The following MCPH1 variants were observed in gnomAD, a reference collection of about 807,000 sequenced individuals.
The protein encoded by MCPH1 is microcephalin 1, also known as microcephalin.
Under a neutral mutation model 84.5 loss-of-function variants are expected in MCPH1, and 104 were observed. The ratio of observed to expected loss-of-function variants is 1.23; its 90% confidence interval spans 1.05 to 1.45. The LOEUF is 1.45. Among genes scored for constraint, MCPH1 ranks in the 40% most tolerant of loss-of-function variants. The pLI is 0.00. For synonymous variants in MCPH1, 514 were observed against 366.8 expected (o/e 1.40, Z -4.58); for missense variants, 1,498 against 1,005.7 (o/e 1.49, Z -6.62).
At chr8:6,620,549 C>A (rs1252466982) in intron 12 of MCPH1, among the ~76,000 whole-genome samples, 1 of 152,144 alleles carries the variant, frequency 6.6e-6, no homozygotes, top group Non-Finnish European at 1.5e-5. Flanking sequence ...TGAGAAGGTC[C>A]CTTCATCCCT....
At chr8:6,438,182 T>C (rs1036828418) in intron 5 of MCPH1, among the ~76,000 whole-genome samples, 2 of 152,226 alleles carry the variant, frequency 1.3e-5, no homozygotes, top group Non-Finnish European at 2.9e-5. Context: ...GAAAATACTT[T>C]GGCAACATGG....
In MCPH1 at chr8:6,621,665, A is replaced by C. The variant is rs750765497; in HGVS notation, c.2426A>C (p.Lys809Thr). 6.4e-5 allele frequency: 103 copies of C among 1,614,088 alleles called. 1 individual carries two copies. Among genetic ancestry groups the C allele is most frequent in the Non-Finnish European group, 8.2e-5 (97 of 1,180,036 alleles). The change falls in exon 13 of 14, where the codon AAG becomes ACG. Residue 809 changes from lysine (K) to threonine (T), a missense_variant. By Grantham distance (78) the Lys-to-Thr change is moderately conservative. Coordinates refer to ENST00000344683, the MANE Select transcript of MCPH1 (RefSeq NM_024596.5). ...PYSGKKKATV[K>T]YLSEKWVLDS... ...AGCGGAAAGAAGAAAGCCACAGTCA[A>C]GTATCTGTCTGAGAAATGGGTCTTA...
chr8:6,643,774 T>G lies in MCPH1; in HGVS notation c.*725T>G, dbSNP rs534847264. The G allele has an allele frequency of 6.5e-6, 1 of 152,736 alleles. No homozygotes were observed. The highest frequency in any genetic ancestry group is 1.5e-5 in the Non-Finnish European group (1 of 68,394). 9.5% of individuals were successfully genotyped at this position (152,736 alleles called of 1,614,324 possible). On this transcript the variant is annotated 3_prime_UTR_variant, in exon 14 of 14. Coordinates refer to ENST00000344683, the MANE Select transcript of MCPH1 (RefSeq NM_024596.5). ...TCTAGCGGAGATTCCTCTCTTAAAG[T>G]AATGAAAGGAGATAGGTATGGGGGG...
At chr8:6,411,415 G>C (rs893788919) in intron 2 of MCPH1, among the ~76,000 whole-genome samples, 2 of 152,162 alleles carry the variant, frequency 1.3e-5, no homozygotes, top group African/African-American at 4.8e-5. Flanking sequence ...GTTAAATTTG[G>C]CAGAACTAAT....
chr8:6,538,894 G>C (rs573020487), intron 12 of MCPH1, among the ~76,000 whole-genome samples: 2 of 152,294 alleles, frequency 1.3e-5, no homozygotes, highest in African/African-American at 4.8e-5. Context: ...TAAATCCAGG[G>C]ATATTCTATT....
At chr8:6,597,615 G>C (rs1019863259) in intron 12 of MCPH1, among the ~76,000 whole-genome samples, 5 of 152,152 alleles carry the variant, frequency 3.3e-5, no homozygotes, top group Non-Finnish European at 7.3e-5. Flanking sequence ...CTGTGGACAC[G>C]ACAACCCGGA....
At chr8:6,418,867 A>G (rs1454613589) in intron 3 of MCPH1, among the ~76,000 whole-genome samples, 2 of 152,032 alleles carry the variant, frequency 1.3e-5, no homozygotes, top group Non-Finnish European at 2.9e-5. Flanking sequence ...GGCGTGAGCC[A>G]CAGCGCCCGG....
In MCPH1 at chr8:6,491,149, C is replaced by G. The variant is rs142235973; in HGVS notation, c.2137-8703C>G. 2.3e-3 allele frequency among the ~76,000 whole-genome samples: 351 copies of G among 151,442 alleles called. 4 individuals carry two copies. The highest frequency in any genetic ancestry group is 8.2e-3 in the African/African-American group (338 of 41,446). ...AAGGTGGCCACATACCAAATAGTGT[C>G]ATACATTTCTTAAAATCTCTCCTAG... On this transcript the variant is annotated intron_variant, in intron 11 of 13. Coordinates refer to ENST00000344683, the MANE Select transcript of MCPH1 (RefSeq NM_024596.5).
At chr8:6,568,969 C>T (rs753722278) in intron 12 of MCPH1, among the ~76,000 whole-genome samples, 2 of 152,166 alleles carry the variant, frequency 1.3e-5, no homozygotes, top group African/African-American at 4.8e-5. Context: ...TTGATTTGAG[C>T]CATTTGCAGA....
At chr8:6,451,482 C>T (rs1805075567) in intron 8 of MCPH1, among the ~76,000 whole-genome samples, 1 of 152,150 alleles carries the variant, frequency 6.6e-6, no homozygotes, top group Non-Finnish European at 1.5e-5. Context: ...CAATTACTTT[C>T]AGTGGGAATT....
At chr8:6,564,283 C>CT (rs1825951587) in intron 12 of MCPH1, among the ~76,000 whole-genome samples, 1 of 152,138 alleles carries the variant, frequency 6.6e-6, no homozygotes, top group Non-Finnish European at 1.5e-5. Context: ...GGCCCACAAA[C>CT]TTCTTTATTG....
At chr8:6,556,584 C>T (rs1036253155) in intron 12 of MCPH1, among the ~76,000 whole-genome samples, 2 of 151,998 alleles carry the variant, frequency 1.3e-5, no homozygotes, top group African/African-American at 4.8e-5. Context: ...CATAGTGTCC[C>T]CCTGGGGCAA....
At chr8:6,599,088 G>A (rs79307686) in intron 12 of MCPH1, among the ~76,000 whole-genome samples, 6 of 152,290 alleles carry the variant, frequency 3.9e-5, no homozygotes, top group East Asian at 1.9e-4. Context: ...AATCCGAGGC[G>A]CGCCTGGGAA....
chr8:6,428,556 ACTTT>A (rs1430830266), intron 3 of MCPH1, among the ~76,000 whole-genome samples: 2 of 152,202 alleles, frequency 1.3e-5, no homozygotes, highest in African/African-American at 4.8e-5. Flanking sequence ...CTAGTAGTCT[ACTTT>A]CTTTCTCTGT....
chr8:6,489,559 C>A (rs1230839102), intron 11 of MCPH1, among the ~76,000 whole-genome samples: 1 of 152,180 alleles, frequency 6.6e-6, no homozygotes, highest in Non-Finnish European at 1.5e-5. Context: ...GTCAATGGTA[C>A]ATAAAGCAGT....
intron 3 of MCPH1, among the ~76,000 whole-genome samples, chr8:6,423,490 A>T (rs986921140): frequency 1.3e-5 from 2 of 152,110 alleles, no homozygotes. Context: ...ACTTTTTATT[A>T]CAGGTCATTT....
At chr8:6,519,088 G>A (rs980283501) in intron 12 of MCPH1, among the ~76,000 whole-genome samples, 4 of 152,164 alleles carry the variant, frequency 2.6e-5, no homozygotes, top group African/African-American at 7.2e-5. Flanking sequence ...ATGCCTTGAA[G>A]TGAACTCCGC....
chr8:6,604,010 T>TG (rs999464438), intron 12 of MCPH1, among the ~76,000 whole-genome samples: 5 of 151,906 alleles, frequency 3.3e-5, no homozygotes, highest in African/African-American at 9.7e-5. Context: ...GACTTTTTTT[T>TG]TTTTTAACCT....
rs1798274747 is a variant in MCPH1 at position 6,647,642 on chromosome 8, TGA to T, written c.*4594_*4595del. 1 of 146,314 alleles carries T rather than the reference TGA, an allele frequency of 6.8e-6. No individual in the cohort carries two copies. Among genetic ancestry groups the T allele is most frequent in the African/African-American group, 2.8e-5 (1 of 35,886 alleles). The allele number at this position is 146,314 out of a possible 1,614,324, so 9.1% of individuals were successfully genotyped here. On this transcript the variant is annotated 3_prime_UTR_variant, in exon 14 of 14. Transcript: ENST00000344683. ...CATGAATGAGCCTCAGAAACATAAG[TGA>T]AAGAGGTCAGACACAAAAGACTACA...
Sources: gnomAD v4.1 joint callset for allele counts (sites outside exome capture counted in the v4.1 genomes callset) on GRCh38, gnomAD v4.1.1 for gene constraint, MANE v1.5 for transcripts, NCBI Gene and HGNC (gene_info 2026-07-23, HGNC 2026-07-21) for gene names.